Variants in ARHGAP32 observed in about 807,000 individuals in gnomAD.
The protein encoded by ARHGAP32 is Rho GTPase activating protein 32, also known as rho GTPase-activating protein 32.
Under a neutral mutation model 186.5 loss-of-function variants are expected in ARHGAP32, and 51 were observed. The ratio of observed to expected loss-of-function variants is 0.27; its 90% CI spans 0.22 to 0.35. ARHGAP32 has a LOEUF of 0.35. ARHGAP32 is among the 10% of genes least tolerant of loss of function. The pLI is 1.00. For missense variants in ARHGAP32, 2,186 were observed against 2,623.5 expected, an observed-to-expected ratio of 0.83 and a Z score of 3.64; for synonymous variants, 950 against 964.3, an observed-to-expected ratio of 0.99 and a Z score of 0.27.
At position 129,055,072 on chromosome 11, in the gene ARHGAP32, C is replaced by A. The variant is rs181766526; in HGVS notation, c.963+7208G>T. On this transcript the variant is annotated intron_variant, in intron 10 of 22. Coordinates refer to ENST00000682385, the MANE Select transcript of ARHGAP32 (RefSeq NM_001378024.1). ...ACAACGACTGAAACGAACTGTAGGGCTTAGGCCCTGGGATTTGATATTTAA... is the reference window on the plus strand; with the variant it reads ...ACAACGACTGAAACGAACTGTAGGGATTAGGCCCTGGGATTTGATATTTAA... Among the ~76,000 whole-genome samples the A allele has an allele frequency of 9.2e-4, 140 of 152,318 alleles. 1 individual carries two copies. Among genetic ancestry groups the A allele is most frequent in the African/African-American group, 3.3e-3 (137 of 41,570 alleles).
chr11:128,970,073 T>C lies in ARHGAP32; in HGVS notation c.5140A>G (p.Ser1714Gly), dbSNP rs748818244. ...AFYNPRLQGKSLYSYAGLAPR... is the reference protein window; with the variant it reads ...AFYNPRLQGKGLYSYAGLAPR... ...GCCAAACCAGCATAACTGTACAAGCTCTTTCCTTGCAGCCTAGGATTGTAG... is the reference window on the plus strand; with the variant it reads ...GCCAAACCAGCATAACTGTACAAGCCCTTTCCTTGCAGCCTAGGATTGTAG... Residue 1714 changes from serine to glycine, a missense_variant, in exon 23 of 23, where the codon AGC becomes GGC. This residue lies in a region of ARHGAP32 where 1,502 missense variants were observed against 1,570.0 expected (regional missense o/e 0.96). Coordinates refer to ENST00000682385, the MANE Select transcript of ARHGAP32 (RefSeq NM_001378024.1). The surrounding 1 kb of genome is among the most constrained non-coding windows in gnomAD (Gnocchi z 5.8). 1.2e-6 allele frequency: 2 copies of C among 1,614,084 alleles called. No individual in the cohort carries two copies. The highest frequency in any genetic ancestry group is 8.5e-7 in the Non-Finnish European group (1 of 1,180,028).
intron 10 of ARHGAP32, among the ~76,000 whole-genome samples, chr11:129,043,886 G>C (rs572110101): frequency 2.0e-5 from 3 of 152,010 alleles, no homozygotes; most frequent in Non-Finnish European, 4.4e-5. Context: ...GTAATTTTTA[G>C]TTGGTGAAAA....
At chr11:128,993,649 CAT>C (rs1157578049) in intron 12 of ARHGAP32, among the ~76,000 whole-genome samples, 1 of 151,206 alleles carries the variant, frequency 6.6e-6, no homozygotes, top group Admixed American at 6.6e-5. Context: ...TATATACACA[CAT>C]ATGATATAAC....
chr11:129,155,953 C>T (rs1425403421), intron 2 of ARHGAP32, among the ~76,000 whole-genome samples: 1 of 152,208 alleles, frequency 6.6e-6, no homozygotes, highest in East Asian at 1.9e-4. Context: ...GGCGTTGCCT[C>T]ACCTGGGAAG....
chr11:129,040,902 T>C lies in ARHGAP32; in HGVS notation c.1045+26A>G, dbSNP rs928963743. Reference sequence around the variant, plus strand: ...GTCTTCAAGCAGTTGATAAAATAACTACACTAGTGAAAAAAGTGTACTCAC... The same window carrying C: ...GTCTTCAAGCAGTTGATAAAATAACCACACTAGTGAAAAAAGTGTACTCAC... On this transcript the variant is annotated intron_variant, in intron 11 of 22. Transcript: ENST00000682385. 1.9e-6 allele frequency: 3 copies of C among 1,543,274 alleles called. No homozygotes were observed. The African/African-American group carries it at 4.1e-5, about 21-fold the overall frequency.
chr11:129,217,053 T>A (rs900791021), intron 1 of ARHGAP32, among the ~76,000 whole-genome samples: 1 of 152,206 alleles, frequency 6.6e-6, no homozygotes, highest in African/African-American at 2.4e-5. Flanking sequence ...TCTAAATCTT[T>A]ACTTAATTTT....
At chr11:129,228,029 T>C (rs1328430454) in intron 1 of ARHGAP32, among the ~76,000 whole-genome samples, 2 of 152,052 alleles carry the variant, frequency 1.3e-5, no homozygotes, top group South Asian at 2.1e-4. Context: ...TCACACAAAC[T>C]ACGCTCTCTA....
chr11:129,074,523 T>A (rs1418433077), intron 6 of ARHGAP32, among the ~76,000 whole-genome samples: 1 of 152,154 alleles, frequency 6.6e-6, no homozygotes. Flanking sequence ...AGATGGAGTC[T>A]CGCTCTGTTA....
rs1276530871 is a variant in ARHGAP32, at chr11:128,969,431, T to A, written c.5782A>T (p.Thr1928Ser). The change falls in exon 23 of 23, where the codon ACT becomes TCT. Residue 1928 changes from threonine (T) to serine (S), a missense_variant. Transcript: ENST00000682385. This position sits in a 1 kb window ranked among gnomAD's most constrained non-coding sequence, Gnocchi z 4.8. ...TTGTGGTAGCTGACTGGCTCAGAAG[T>A]GTCTGGAATCCCTTTGGACCCATAA... ...LDYGSKGIPD[T>S]SEPVSYHNSG... is the part of the protein sequence containing the mutation. The A allele has an allele frequency of 6.2e-7, 1 of 1,614,202 alleles. No homozygotes were observed. The highest frequency in any genetic ancestry group is 8.5e-7 in the Non-Finnish European group (1 of 1,180,028).
chr11:128,979,058 C>A, intron 18 of ARHGAP32, 143 bp from the exon 19 acceptor site: 1 of 679,898 alleles, frequency 1.5e-6, no homozygotes, highest in South Asian at 2.0e-5. Flanking sequence ...ACCTTCCAGA[C>A]AGCACACTCT....
At chr11:129,196,149 T>G (rs924552536), upstream of ARHGAP32, among the ~76,000 whole-genome samples, 2 of 152,212 alleles carry the variant, frequency 1.3e-5, no homozygotes, top group African/African-American at 4.8e-5. Flanking sequence ...ATTTAAACAC[T>G]GCAAGTCAGA....
At position 128,969,762 on chromosome 11, in the gene ARHGAP32, A is replaced by G. The variant is rs141689602; in HGVS notation, c.5451T>C (p.Leu1817=). The G allele has an allele frequency of 8.4e-4, 1,352 of 1,614,042 alleles. 26 individuals are homozygous for G. The South Asian group carries it at 0.01, about 13-fold the overall frequency. Residue 1817 remains leucine (L), a synonymous_variant, in exon 23 of 23, where the codon CTT becomes CTC. Coordinates refer to ENST00000682385, the MANE Select transcript of ARHGAP32 (RefSeq NM_001378024.1). This position sits in a 1 kb window ranked among gnomAD's most constrained non-coding sequence, Gnocchi z 4.8. ...RSKSDPGKTG[L]LSVAEGKESR... ...TCTCCTTTCCTTCTGCCACTGAGAG[A>G]AGTCCAGTTTTCCCAGGATCTGATT...
chr11:129,015,009 GA>G (rs1938266887), intron 11 of ARHGAP32, among the ~76,000 whole-genome samples: 1 of 152,106 alleles, frequency 6.6e-6, no homozygotes, highest in Admixed American at 6.5e-5. Context: ...TCACGCTAAT[GA>G]ATATGAAGAA....
intron 2 of ARHGAP32, among the ~76,000 whole-genome samples, chr11:129,149,302 T>C (rs927949203): frequency 2.0e-5 from 3 of 152,114 alleles, no homozygotes; most frequent in African/African-American, 7.2e-5. Context: ...GTCTCTCCAT[T>C]TGACAACTTT....
intron 5 of ARHGAP32, among the ~76,000 whole-genome samples, chr11:129,122,003 T>G (rs1292262267): frequency 2.0e-5 from 3 of 151,968 alleles, no homozygotes; most frequent in African/African-American, 7.2e-5. Context: ...TAGCACAACC[T>G]CATTCACCTC....
At chr11:129,232,293 C>T (rs537129565) in intron 1 of ARHGAP32, among the ~76,000 whole-genome samples, 1 of 152,228 alleles carries the variant, frequency 6.6e-6, no homozygotes, top group African/African-American at 2.4e-5. Flanking sequence ...ACACTTTATA[C>T]AACAGAGGGC....
upstream of ARHGAP32, among the ~76,000 whole-genome samples, chr11:129,195,273 C>G (rs540766360): frequency 3.4e-4 from 51 of 152,180 alleles, no homozygotes; most frequent in South Asian, 5.8e-3. Context: ...AGCTACTGTG[C>G]CCGGCCTCAA....
chr11:129,023,752 G>C (rs1379149407), intron 11 of ARHGAP32: 2 of 275,054 alleles, frequency 7.3e-6, no homozygotes, highest in Admixed American at 1.3e-4. Flanking sequence ...ACCTAAGAGA[G>C]CAACCAAGGT....
At chr11:129,134,851 G>C (rs530570848) in intron 2 of ARHGAP32, among the ~76,000 whole-genome samples, 1 of 152,248 alleles carries the variant, frequency 6.6e-6, no homozygotes, top group South Asian at 2.1e-4. Flanking sequence ...CACATAAAAG[G>C]TGCCACATCT....
Sources: allele counts gnomAD v4.1 joint callset (sites outside exome capture counted in the v4.1 genomes callset), GRCh38; gene constraint gnomAD v4.1.1; regional missense constraint gnomAD v4.1.1; non-coding constraint Gnocchi (gnomAD v3.1); transcripts MANE v1.5; gene names NCBI Gene and HGNC (gene_info 2026-07-23, HGNC 2026-07-21).